The following CAMK1D variants were observed in gnomAD, a reference collection of about 807,000 sequenced individuals.
The protein encoded by CAMK1D is calcium/calmodulin-dependent protein kinase type 1D.
In CAMK1D, 9 loss-of-function variants were observed where a neutral mutation model predicts 47.7. That is an observed-to-expected ratio of 0.19 (90% CI 0.11 to 0.33). The LOEUF is 0.33. Ranked by LOEUF, CAMK1D falls within the 10% of genes least tolerant of loss-of-function variation. The probability of loss-of-function intolerance (pLI) is 1.00; values close to 1 mark genes in which losing one functional copy is unlikely to be tolerated. For missense variants in CAMK1D, 291 were observed against 488.7 expected, an observed-to-expected ratio of 0.60 and a Z score of 3.81; for synonymous variants, 184 against 184.9, an observed-to-expected ratio of 0.99 and a Z score of 0.04.
rs76078610 is a variant in CAMK1D, at chr10:12,707,568, A to G, written c.299+40758A>G. Among the ~76,000 whole-genome samples the G allele has an allele frequency of 3.1e-3, 476 of 152,324 alleles. 3 individuals carry two copies. The highest frequency in any genetic ancestry group is 0.011 in the African/African-American group (458 of 41,566). On this transcript the variant is annotated intron_variant, in intron 3 of 10. Transcript: ENST00000619168. The stretch of plus-strand genomic sequence containing the variant: ...AAATGTCTGCTGGAGCTTGTTATAG[A>G]GCAGACGCAGAATGAGCACAGTCAG...
chr10:12,763,611 G>GT, intron 4 of CAMK1D, among the ~76,000 whole-genome samples: 1 of 152,252 alleles, frequency 6.6e-6, no homozygotes, highest in African/African-American at 2.4e-5. Flanking sequence ...CGAGTACTAC[G>GT]TCTGGAATTG....
intron 6 of CAMK1D, among the ~76,000 whole-genome samples, chr10:12,802,929 G>C (rs1391562989): frequency 6.6e-6 from 1 of 152,214 alleles, no homozygotes; most frequent in African/African-American, 2.4e-5. Flanking sequence ...TTCTGAAAGA[G>C]AACATGCAGG....
chr10:12,801,108 C>A (rs1838411151), intron 6 of CAMK1D, among the ~76,000 whole-genome samples: 1 of 152,028 alleles, frequency 6.6e-6, no homozygotes, highest in African/African-American at 2.4e-5. Flanking sequence ...GCTGGAGGAA[C>A]CTGAGAAGGA....
chr10:12,552,668 GT>G (rs1228925554), intron 1 of CAMK1D, among the ~76,000 whole-genome samples: 1 of 152,198 alleles, frequency 6.6e-6, no homozygotes, highest in Non-Finnish European at 1.5e-5. Context: ...GCCTAACTGT[GT>G]TGACCTCCAC....
chr10:12,757,645 G>T (rs555326336), intron 3 of CAMK1D, among the ~76,000 whole-genome samples: 44 of 152,282 alleles, frequency 2.9e-4, no homozygotes, highest in African/African-American at 9.9e-4. Context: ...ATACCATATA[G>T]ATTGGGTTAA....
intron 1 of CAMK1D, among the ~76,000 whole-genome samples, chr10:12,397,863 C>T (rs1839019077): frequency 6.6e-6 from 1 of 152,164 alleles, no homozygotes; most frequent in Non-Finnish European, 1.5e-5. Context: ...TTTCCAGCTT[C>T]TCTTGAAAAA....
chr10:12,670,170 G>T (rs542990203), intron 3 of CAMK1D, among the ~76,000 whole-genome samples: 1 of 117,374 alleles, frequency 8.5e-6, no homozygotes, highest in Non-Finnish European at 1.6e-5. Flanking sequence ...GTCAGTTCCT[G>T]TTGCTCTACA....
At chr10:12,824,156 G>A (rs977085435) in intron 8 of CAMK1D, among the ~76,000 whole-genome samples, 3 of 152,062 alleles carry the variant, frequency 2.0e-5, no homozygotes, top group Admixed American at 2.0e-4. Context: ...GGATTCTGAT[G>A]TTGCAGGAAT....
At chr10:12,508,218 G>A (rs1031998493) in intron 1 of CAMK1D, among the ~76,000 whole-genome samples, 5 of 152,194 alleles carry the variant, frequency 3.3e-5, no homozygotes, top group African/African-American at 4.8e-5. Flanking sequence ...TAAATGCATC[G>A]CTATTCATGA....
At chr10:12,421,156 G>A (rs1431623921) in intron 1 of CAMK1D, among the ~76,000 whole-genome samples, 3 of 152,168 alleles carry the variant, frequency 2.0e-5, no homozygotes, top group Non-Finnish European at 4.4e-5. Flanking sequence ...GCGGGTGTAA[G>A]CTTCAGGTAC....
intron 1 of CAMK1D, among the ~76,000 whole-genome samples, chr10:12,449,870 G>A (rs1358238722): frequency 6.6e-6 from 1 of 152,112 alleles, no homozygotes; most frequent in African/African-American, 2.4e-5. Context: ...ATGGTGGCAG[G>A]CGCCTGTAAT....
chr10:12,802,568 T>C (rs1838530516), intron 6 of CAMK1D, among the ~76,000 whole-genome samples: 1 of 152,218 alleles, frequency 6.6e-6, no homozygotes, highest in Non-Finnish European at 1.5e-5. Flanking sequence ...TCACCCAGGC[T>C]GGAGTGCAGT....
At position 12,466,596 on chromosome 10, in the gene CAMK1D, T is replaced by TC. The variant is rs1398053068; in HGVS notation, c.93-86629_93-86628insC. ...CAAGACCCTGTCTCTGAATTTCTTT[T>TC]TTTTTTTTTTTTTAGAAGTCAATAG... is the stretch of plus-strand genomic sequence containing the variant. On this transcript the variant is annotated intron_variant, in intron 1 of 10. Transcript: ENST00000619168. Among the ~76,000 whole-genome samples, 33 of 151,412 alleles carry TC rather than the reference T, an allele frequency of 2.2e-4. 1 individual carries two copies. Among genetic ancestry groups the TC allele is most frequent in the Admixed American group, 2.0e-3 (31 of 15,176 alleles).
chr10:12,795,725 C>T (rs987634566), intron 6 of CAMK1D, among the ~76,000 whole-genome samples: 1 of 152,132 alleles, frequency 6.6e-6, no homozygotes, highest in African/African-American at 2.4e-5. Flanking sequence ...TAAATTGGCC[C>T]TCTTTTGGTC....
At chr10:12,590,021 T>C (rs913112710) in intron 2 of CAMK1D, among the ~76,000 whole-genome samples, 1 of 152,160 alleles carries the variant, frequency 6.6e-6, no homozygotes, top group Non-Finnish European at 1.5e-5. Context: ...AATTATAATA[T>C]GCTAAAAACA....
At chr10:12,764,130 C>T (rs1836632816) in intron 4 of CAMK1D, among the ~76,000 whole-genome samples, 1 of 152,224 alleles carries the variant, frequency 6.6e-6, no homozygotes, top group African/African-American at 2.4e-5. Context: ...CCTGTAATCC[C>T]AGCACTTTGG....
intron 2 of CAMK1D, among the ~76,000 whole-genome samples, chr10:12,575,267 A>G (rs1435733890): frequency 6.6e-6 from 1 of 151,616 alleles, no homozygotes; most frequent in African/African-American, 2.4e-5. Context: ...TAATTTTTAT[A>G]TTTTTAGTAG....
chr10:12,754,927 A>G (rs2130887250), intron 3 of CAMK1D, among the ~76,000 whole-genome samples: 1 of 152,258 alleles, frequency 6.6e-6, no homozygotes, highest in South Asian at 2.1e-4. Flanking sequence ...GGACTTTACC[A>G]TATGGATTTT....
intron 1 of CAMK1D, among the ~76,000 whole-genome samples, chr10:12,548,447 C>CT (rs35061502): frequency 0.15 from 11,955 of 81,388 alleles, 1,324 homozygotes; most frequent in Middle Eastern, 0.2. Flanking sequence ...CCATTTTAAG[C>CT]TTTTTTTTTT....
Sources: allele counts gnomAD v4.1 joint callset (sites outside exome capture counted in the v4.1 genomes callset), GRCh38; gene constraint gnomAD v4.1.1; transcripts MANE v1.5; gene names NCBI Gene and HGNC (gene_info 2026-07-23, HGNC 2026-07-21).